The following FOXP2 variants were observed in gnomAD, a reference collection of about 807,000 sequenced individuals.
FOXP2 encodes the protein forkhead box P2, also known as forkhead box protein P2.
In FOXP2, 12 loss-of-function variants were observed where a neutral mutation model predicts 115.8. The observed-to-expected ratio is 0.10, with a 90% confidence interval of 0.07 to 0.17. The LOEUF (loss-of-function observed/expected upper bound fraction) is 0.17. Ranked by LOEUF, FOXP2 falls within the 10% of genes least tolerant of loss-of-function variation. The probability of loss-of-function intolerance (pLI) is 1.00; values close to 1 mark genes in which losing one functional copy is unlikely to be tolerated. For missense variants in FOXP2, 629 were observed against 843.5 expected (o/e 0.75, Z 3.15); for synonymous variants, 328 against 297.7 (o/e 1.10, Z -1.05).
At chr7:114,293,471 C>A (rs1023370310) in intron 2 of FOXP2, among the ~76,000 whole-genome samples, 2 of 152,188 alleles carry the variant, frequency 1.3e-5, no homozygotes, top group African/African-American at 4.8e-5. Flanking sequence ...TGAGTCTAAG[C>A]CACCCAGCTA....
At chr7:114,624,107 A>C (rs558044018) in intron 3 of FOXP2, among the ~76,000 whole-genome samples, 1 of 151,910 alleles carries the variant, frequency 6.6e-6, no homozygotes, top group Non-Finnish European at 1.5e-5. Context: ...TGCAATAAAT[A>C]GTTTCTTATG....
rs1275174610 is a variant in FOXP2 at position 114,254,607 on chromosome 7, C to T, written c.-101-33412C>T. Among the ~76,000 whole-genome samples, 5 of 152,324 alleles carry T rather than the reference C, an allele frequency of 3.3e-5. No homozygotes were observed. The East Asian group carries it at 5.8e-4, about 18-fold the overall frequency. ...AATCAGCTACTGAAGCTTGGGCATT[C>T]GTCACGTAGTTCTAGTGCCATGGTT... On this transcript the variant is annotated intron_variant, in intron 1 of 17. Transcript: ENST00000634411.
Position 114,606,374 on chromosome 7 carries a change from C to T in FOXP2, c.259-22166C>T, listed in dbSNP as rs1486519857. On this transcript the variant is annotated intron_variant, in intron 3 of 16. Transcript: ENST00000350908. ...AGATAAGTTAGCCAAAGCCAACTCA[C>T]AGTCAAACTAGACCTAGAATTTTTA... is the stretch of plus-strand genomic sequence containing the variant. Among the ~76,000 whole-genome samples, 3 of 152,186 alleles carry T rather than the reference C, an allele frequency of 2.0e-5. No individual in the cohort carries two copies. The South Asian group carries it at 6.2e-4, about 31-fold the overall frequency.
intron 2 of FOXP2, among the ~76,000 whole-genome samples, chr7:114,435,819 G>A (rs756806815): frequency 2.6e-5 from 4 of 152,150 alleles, no homozygotes; most frequent in African/African-American, 9.7e-5. Context: ...GATTACAGGC[G>A]TGAGCCATTG....
intron 16 of FOXP2, among the ~76,000 whole-genome samples, chr7:114,677,089 C>A (rs541880056): frequency 1.8e-3 from 266 of 151,648 alleles, no homozygotes; most frequent in Non-Finnish European, 3.2e-3. Context: ...TCGCTTGAAC[C>A]CTGGAGGCGG....
rs375628748 is a variant in FOXP2 at position 114,372,380 on chromosome 7, G to T, written c.-10-54122G>T. On this transcript the variant is annotated intron_variant, in intron 2 of 17. Transcript: ENST00000634411. Reference sequence around the variant, plus strand: ...AATTTTCATCCAATCTTGTATGCTTGGGAATGTGAAAAGGGGTGCTATTAA... The same window carrying T: ...AATTTTCATCCAATCTTGTATGCTTTGGAATGTGAAAAGGGGTGCTATTAA... 4.4e-4 allele frequency among the ~76,000 whole-genome samples: 67 copies of T among 152,190 alleles called. 1 individual carries two copies. Among genetic ancestry groups the T allele is most frequent in the African/African-American group, 1.5e-3 (63 of 41,526 alleles).
chr7:114,188,950 T>C (rs1219877947), intron 1 of FOXP2, among the ~76,000 whole-genome samples: 3 of 152,210 alleles, frequency 2.0e-5, no homozygotes, highest in Non-Finnish European at 4.4e-5. Context: ...AACCATAACA[T>C]TTAAATTCTG....
chr7:114,481,324 TTTTAA>T (rs1202622635), intron 2 of FOXP2, among the ~76,000 whole-genome samples: 3 of 151,326 alleles, frequency 2.0e-5, no homozygotes, highest in Admixed American at 6.6e-5. Context: ...TTTGGTTATA[TTTTAA>T]TTTATTTTTT....
At chr7:114,518,856 T>A (rs903606118) in intron 2 of FOXP2, among the ~76,000 whole-genome samples, 1 of 152,132 alleles carries the variant, frequency 6.6e-6, no homozygotes, top group Non-Finnish European at 1.5e-5. Context: ...CTTTGTTAGT[T>A]ATTTGCTATC....
chr7:114,426,483 ACTT>A lies in FOXP2; in HGVS notation c.-10-15_-10-13del. On this transcript the variant is annotated splice_polypyrimidine_tract_variant and intron_variant, in intron 1 of 16. Transcript: ENST00000350908. ...GAAGGTGTAACGTGTGTTAATTGATACTTCTTAATCACTTTTAGGTATTAAGTC... is the reference window on the plus strand; with the variant it reads ...GAAGGTGTAACGTGTGTTAATTGATACTTAATCACTTTTAGGTATTAAGTC... 2.5e-6 allele frequency: 4 copies of A among 1,608,676 alleles called. No individual in the cohort carries two copies. The highest frequency in any genetic ancestry group is 1.3e-5 in the African/African-American group (1 of 74,756).
intron 1 of FOXP2, among the ~76,000 whole-genome samples, chr7:114,124,293 C>T (rs1188194422): frequency 6.6e-6 from 1 of 152,010 alleles, no homozygotes; most frequent in African/African-American, 2.4e-5. Context: ...ATATTAAATG[C>T]TATTCATACC....
intron 3 of FOXP2, among the ~76,000 whole-genome samples, chr7:114,575,614 C>A (rs568763210): frequency 3.0e-4 from 46 of 151,802 alleles, no homozygotes; most frequent in Non-Finnish European, 5.3e-4. Flanking sequence ...CCTCACCAGA[C>A]CTAAATGATG....
chr7:114,111,826 C>T (rs990722301), intron 1 of FOXP2, among the ~76,000 whole-genome samples: 2 of 151,900 alleles, frequency 1.3e-5, no homozygotes, highest in African/African-American at 4.8e-5. Context: ...CTTCACTTAT[C>T]CATGTGGATG....
intron 1 of FOXP2, among the ~76,000 whole-genome samples, chr7:114,279,493 C>G (rs1477871746): frequency 6.6e-6 from 1 of 152,076 alleles, no homozygotes; most frequent in Non-Finnish European, 1.5e-5. Context: ...TGGAGTTTTA[C>G]TTATCTAGAC....
At chr7:114,681,442 AG>A (rs1372550148) in intron 16 of FOXP2, among the ~76,000 whole-genome samples, 1 of 152,188 alleles carries the variant, frequency 6.6e-6, no homozygotes, top group Non-Finnish European at 1.5e-5. Context: ...GTATATTATC[AG>A]AACTTCATAA....
chr7:114,295,242 A>G (rs1458643171), intron 2 of FOXP2, among the ~76,000 whole-genome samples: 1 of 152,186 alleles, frequency 6.6e-6, no homozygotes. Context: ...TCTGCTTTTT[A>G]CAGCCCATAT....
At chr7:114,146,946 A>G (rs1792386861) in intron 1 of FOXP2, among the ~76,000 whole-genome samples, 1 of 152,198 alleles carries the variant, frequency 6.6e-6, no homozygotes. Flanking sequence ...TGTGGTAACC[A>G]GTTGTATAGA....
chr7:114,318,726 T>TATATATATAC (rs1417603943), intron 2 of FOXP2, among the ~76,000 whole-genome samples: 1 of 151,186 alleles, frequency 6.6e-6, no homozygotes, highest in African/African-American at 2.4e-5. Context: ...TATATATATA[T>TATATATATAC]ACACACACAC....
At chr7:114,441,384 C>T (rs980827938) in intron 2 of FOXP2, among the ~76,000 whole-genome samples, 16 of 151,822 alleles carry the variant, frequency 1.1e-4, no homozygotes, top group East Asian at 7.8e-4. Flanking sequence ...ACACAAGAGG[C>T]GGAGGTTGCA....
Sources: gnomAD v4.1 joint callset for allele counts (sites outside exome capture counted in the v4.1 genomes callset) on GRCh38, gnomAD v4.1.1 for gene constraint, MANE v1.5 for transcripts, NCBI Gene and HGNC (gene_info 2026-07-23, HGNC 2026-07-21) for gene names.